Variants in OSBPL2 observed in about 807,000 individuals in gnomAD.
OSBPL2 encodes oxysterol binding protein like 2.
OSBPL2 carries 18 observed loss-of-function variants against 58.4 expected under a neutral mutation model. The ratio of observed to expected loss-of-function variants is 0.31; its 90% CI spans 0.21 to 0.46. The LOEUF is 0.46. Ranked by LOEUF, OSBPL2 falls within the 20% of genes least tolerant of loss-of-function variation. The probability of loss-of-function intolerance (pLI) is 1.00; values close to 1 mark genes in which losing one functional copy is unlikely to be tolerated. For synonymous variants in OSBPL2, 221 were observed against 234.1 expected, an observed-to-expected ratio of 0.94 and a Z score of 0.51; for missense variants, 461 against 616.5, an observed-to-expected ratio of 0.75 and a Z score of 2.67.
At chr20:62,272,031 G>A (rs536381132) in intron 4 of OSBPL2, 94 bp from the exon 5 acceptor site, 46 of 1,469,636 alleles carry the variant, frequency 3.1e-5, no homozygotes, top group Middle Eastern at 1.8e-4. Context: ...CAGAGGCTGC[G>A]GCTCCATGAA....
At chr20:62,256,349 C>A (rs1601160295) in intron 2 of OSBPL2, 128 bp downstream of exon 2, 2 of 748,316 alleles carry the variant, frequency 2.7e-6, no homozygotes, top group East Asian at 2.9e-5. Flanking sequence ...GTTCACGATC[C>A]CAAACACGGA....
chr20:62,244,375 C>T (rs1367080758), intron 1 of OSBPL2, among the ~76,000 whole-genome samples: 4 of 152,220 alleles, frequency 2.6e-5, no homozygotes, highest in South Asian at 2.1e-4. Flanking sequence ...ACAGCGGCGG[C>T]GGGTCGGGGG....
At chr20:62,241,090 T>G (rs1317761548) in intron 1 of OSBPL2, among the ~76,000 whole-genome samples, 1 of 152,178 alleles carries the variant, frequency 6.6e-6, no homozygotes, top group Non-Finnish European at 1.5e-5. Flanking sequence ...AGGTGCTGTT[T>G]GAATGTGAAA....
At chr20:62,249,471 C>A (rs1489128079) in intron 1 of OSBPL2, among the ~76,000 whole-genome samples, 1 of 152,234 alleles carries the variant, frequency 6.6e-6, no homozygotes, top group African/African-American at 2.4e-5. Flanking sequence ...ACTCTGCCTT[C>A]CTAATGCTTT....
chr20:62,294,068 C>G lies in OSBPL2; in HGVS notation c.*181C>G. The G allele has an allele frequency of 1.3e-6, 1 of 784,704 alleles. No individual in the cohort carries two copies. Among genetic ancestry groups the G allele is most frequent in the Non-Finnish European group, 1.9e-6 (1 of 515,034 alleles). 48.6% of individuals were successfully genotyped at this position (784,704 alleles called of 1,614,324 possible). A position where few individuals can be genotyped will look rare whatever the true frequency, so the allele number is the denominator to read the frequency against. The stretch of plus-strand genomic sequence containing the variant: ...ACTGTTGATTGCCAAACATTTCACT[C>G]TGCTGTGCCGTCTCTTCATAAAGCT... On this transcript the variant is annotated 3_prime_UTR_variant, in exon 14 of 14. Transcript: ENST00000313733.
chr20:62,258,733 G>A (rs1981101571), intron 2 of OSBPL2, among the ~76,000 whole-genome samples: 3 of 152,156 alleles, frequency 2.0e-5, no homozygotes. Context: ...GGCTGCCCGG[G>A]ATGTGCTGCT....
chr20:62,262,890 C>T (rs1230046685), intron 3 of OSBPL2, among the ~76,000 whole-genome samples: 2 of 152,170 alleles, frequency 1.3e-5, no homozygotes, highest in African/African-American at 4.8e-5. Context: ...CCCTACTCTG[C>T]AGCACCTTCT....
At chr20:62,247,240 T>C (rs954949371) in intron 1 of OSBPL2, among the ~76,000 whole-genome samples, 21 of 152,130 alleles carry the variant, frequency 1.4e-4, no homozygotes, top group African/African-American at 4.6e-4. Flanking sequence ...TCGGCTTGAG[T>C]GAGTGCAGGG....
At chr20:62,274,270 A>G (rs1982247492) in intron 6 of OSBPL2, among the ~76,000 whole-genome samples, 1 of 152,206 alleles carries the variant, frequency 6.6e-6, no homozygotes, top group Non-Finnish European at 1.5e-5. Context: ...AATGAAGTCA[A>G]AAGCAGGCCA....
intron 7 of OSBPL2, chr20:62,279,939 T>C (rs964444529): frequency 1.5e-5 from 19 of 1,302,666 alleles, no homozygotes; most frequent in East Asian, 5.5e-5. Flanking sequence ...TGAAACAGCG[T>C]GGGAGGGGAC....
chr20:62,278,593 T>C (rs868539861), intron 6 of OSBPL2: 1 of 149,618 alleles, frequency 6.7e-6, no homozygotes, highest in African/African-American at 3.4e-5. Flanking sequence ...TGCGATGTCA[T>C]GTTTGTGTGT....
rs145186566 is a variant in OSBPL2 at position 62,257,287 on chromosome 20, G to A, written c.37+1066G>A. Among the ~76,000 whole-genome samples, 798 of 152,306 alleles carry A rather than the reference G, an allele frequency of 5.2e-3. 7 individuals are homozygous for A. Among genetic ancestry groups the A allele is most frequent in the African/African-American group, 0.018 (759 of 41,548 alleles). ...CTCCGGTCCGTGGCCCTGCTGGAGC[G>A]GGCTGATTGTCCCGAGGCTGTGCTG... On this transcript the variant is annotated intron_variant, in intron 2 of 13. Transcript: ENST00000313733.
chr20:62,290,876 T>C (rs1426055729), intron 12 of OSBPL2, among the ~76,000 whole-genome samples: 1 of 151,752 alleles, frequency 6.6e-6, no homozygotes, highest in African/African-American at 2.4e-5. Flanking sequence ...TAGCTGGGAT[T>C]ACAGGTGCCC....
intron 2 of OSBPL2, 28 bp downstream of exon 2, chr20:62,256,249 C>A: frequency 1.2e-6 from 2 of 1,604,784 alleles, no homozygotes; most frequent in South Asian, 1.1e-5. Flanking sequence ...CAACTGGGGA[C>A]GTACTGGAAG....
intron 11 of OSBPL2, 84 bp downstream of exon 11, chr20:62,286,795 C>T (rs1291281183): frequency 7.5e-6 from 11 of 1,475,960 alleles, no homozygotes; most frequent in Non-Finnish European, 9.1e-6. Context: ...CTTCCCTGTC[C>T]TTGGGCCCTT....
rs773325865 is a variant in OSBPL2 at position 62,289,346 on chromosome 20, CAG to C, written c.1249+19_1249+20del. ...GGCAACATGGGTGCGTCCACGCAGTCAGAGGAGGAAGCTTGGGGCCAAGGACG... is the reference window on the plus strand; with the variant it reads ...GGCAACATGGGTGCGTCCACGCAGTCAGGAGGAAGCTTGGGGCCAAGGACG... On this transcript the variant is annotated intron_variant, in intron 12 of 13. Transcript: ENST00000313733. 2 of 1,610,326 alleles carry C rather than the reference CAG, an allele frequency of 1.2e-6. No homozygotes were observed. Among genetic ancestry groups the C allele is most frequent in the African/African-American group, 2.7e-5 (2 of 74,880 alleles).
intron 3 of OSBPL2, among the ~76,000 whole-genome samples, chr20:62,263,036 C>T (rs1981418277): frequency 6.6e-6 from 1 of 152,140 alleles, no homozygotes; most frequent in Admixed American, 6.5e-5. Context: ...GGTGGGGAGA[C>T]CAGGGCCCCG....
At chr20:62,291,838 C>T (rs766324022) in intron 13 of OSBPL2, 45 bp downstream of exon 13, 1 of 1,558,074 alleles carries the variant, frequency 6.4e-7, no homozygotes, top group East Asian at 2.2e-5. Flanking sequence ...CGGGGAGGCC[C>T]CACACACACC....
In OSBPL2 at chr20:62,293,943, G is replaced by A. The variant is rs763139046; in HGVS notation, c.*56G>A. Reference sequence around the variant, plus strand: ...GAGGCTGACGAGGCTGGACTTCCTCGAGTGGCCACTGTGAGCCTCGTCACA... The same window carrying A: ...GAGGCTGACGAGGCTGGACTTCCTCAAGTGGCCACTGTGAGCCTCGTCACA... On this transcript the variant is annotated 3_prime_UTR_variant, in exon 14 of 14. Coordinates refer to ENST00000313733, the MANE Select transcript of OSBPL2 (RefSeq NM_144498.4). 1.8e-5 allele frequency: 29 copies of A among 1,590,712 alleles called. No individual in the cohort carries two copies. The highest frequency in any genetic ancestry group is 9.1e-5 in the South Asian group (8 of 88,154).
Sources: allele counts gnomAD v4.1 joint callset (sites outside exome capture counted in the v4.1 genomes callset), GRCh38; gene constraint gnomAD v4.1.1; transcripts MANE v1.5; gene names NCBI Gene and HGNC (gene_info 2026-07-23, HGNC 2026-07-21).